BAIAP3: variants seen among roughly 807,000 people sequenced by gnomAD.
BAIAP3 encodes the protein BAI1 associated protein 3, also known as BAI1-associated protein 3.
A neutral mutation model predicts 149.7 loss-of-function variants in BAIAP3; 180 were observed. That is an observed-to-expected ratio of 1.20 (90% CI 1.07 to 1.36). The LOEUF (loss-of-function observed/expected upper bound fraction) is 1.36, where lower values mean the gene tolerates loss of function less well. Among genes scored for constraint, BAIAP3 ranks in the 40% most tolerant of loss-of-function variants. The pLI is 0.00. For missense variants in BAIAP3, 1,767 were observed against 1,563.4 expected, an observed-to-expected ratio of 1.13 and a Z score of -2.20; for synonymous variants, 845 against 670.7, an observed-to-expected ratio of 1.26 and a Z score of -4.02.
chr16:1,343,260 A>AGGGGCAGTGCTATGAGTAGGC (rs2034058078), intron 14 of BAIAP3, 133 bp from the exon 15 acceptor site: 2 of 1,355,836 alleles, frequency 1.5e-6, no homozygotes, highest in South Asian at 2.8e-5. Context: ...GGGCAGGGAA[A>AGGGGCAGTGCTATGAGTAGGC]GGGGCAGTGC....
intron 15 of BAIAP3, 95 bp from the exon 16 acceptor site, chr16:1,343,927 C>T: frequency 8.3e-6 from 13 of 1,558,116 alleles, no homozygotes; most frequent in Non-Finnish European, 1.1e-5. Flanking sequence ...CTGACCATGC[C>T]CGGGGAAGGG....
At chr16:1,335,701 CCA>C (rs144854793) in intron 1 of BAIAP3, among the ~76,000 whole-genome samples, 1,971 of 152,282 alleles carry the variant, frequency 0.013, 145 homozygotes, top group Admixed American at 0.11. Flanking sequence ...CCAGGATGAG[CCA>C]AGTCTTCTGT....
rs28406489 is a variant in BAIAP3 at position 1,336,441 on chromosome 16, A to C, written c.-10-2099A>C. On this transcript the variant is annotated intron_variant, in intron 1 of 33. Transcript: ENST00000426824. ...AGCATTGCCTCTCACAGGGTGGGAG[A>C]CGCAAACCCTCCTTCCTGTCCTCAG... 3,681 of 953,430 alleles carry C rather than the reference A, an allele frequency of 3.9e-3. 113 individuals carry two copies. In the African/African-American group the frequency reaches 0.06, roughly 16 times the overall value. 59.1% of individuals were successfully genotyped at this position (953,430 alleles called of 1,614,324 possible).
intron 1 of BAIAP3, among the ~76,000 whole-genome samples, chr16:1,338,335 G>T (rs566404284): frequency 2.0e-5 from 3 of 152,216 alleles, no homozygotes; most frequent in South Asian, 2.1e-4. Context: ...TGCAGGGGGC[G>T]CAGGGACTTA....
rs1008489443 is a variant in BAIAP3 at position 1,349,140 on chromosome 16, G to A, written c.*658G>A. The A allele has an allele frequency of 1.6e-5, 7 of 450,622 alleles. No individual in the cohort carries two copies. The highest frequency in any genetic ancestry group is 1.4e-4 in the East Asian group (3 of 21,918). 27.9% of individuals were successfully genotyped at this position (450,622 alleles called of 1,614,324 possible). A position where few individuals can be genotyped will look rare whatever the true frequency, so the allele number is the denominator to read the frequency against. On this transcript the variant is annotated 3_prime_UTR_variant, in exon 34 of 34. Transcript: ENST00000426824. ...TCAGCTGTCCTTCACGCACATATCC[G>A]TGGCCACCTGAGACCTGCTCCACGA... is the stretch of plus-strand genomic sequence containing the variant.
chr16:1,336,275 C>T (rs1186671630), intron 1 of BAIAP3: 3 of 985,382 alleles, frequency 3.0e-6, no homozygotes, highest in Non-Finnish European at 3.6e-6. Flanking sequence ...ACTCCCAGGC[C>T]CCTGAGGATT....
chr16:1,342,926 G>A lies in BAIAP3; in HGVS notation c.1175G>A (p.Ser392Asn). ...CTCCTCCCCCAGCCCAACTCCAGCA[G>A]CTGGCGAGGAGAGCTCAGCACACCA... ...EHSAEEPNSS[S>N]WRGELSTPAA... The change falls in exon 14 of 34, where the codon AGC becomes AAC. Residue 392 changes from serine (S) to asparagine (N), a missense_variant. Coordinates refer to ENST00000426824, the MANE Select transcript of BAIAP3 (RefSeq NM_001199097.2). 1 of 1,612,298 alleles carries A rather than the reference G, an allele frequency of 6.2e-7. No individual in the cohort carries two copies. The highest frequency in any genetic ancestry group is 1.7e-5 in the Admixed American group (1 of 60,032).
intron 15 of BAIAP3, 33 bp downstream of exon 15, chr16:1,343,546 G>C: frequency 6.2e-7 from 1 of 1,601,566 alleles, no homozygotes; most frequent in Non-Finnish European, 8.5e-7. Context: ...TGCCAGCCAT[G>C]GCGAAGGGAG....
At chr16:1,343,936 G>A (rs2034116528) in intron 15 of BAIAP3, 86 bp from the exon 16 acceptor site, 2 of 1,570,502 alleles carry the variant, frequency 1.3e-6, no homozygotes, top group Non-Finnish European at 1.7e-6. Flanking sequence ...CCCGGGGAAG[G>A]GTGTTGCGGG....
chr16:1,342,857 T>TGA, intron 13 of BAIAP3, 43 bp downstream of exon 13: 1 of 1,612,108 alleles, frequency 6.2e-7, no homozygotes, highest in Non-Finnish European at 8.5e-7. Flanking sequence ...GCAGGGGGCC[T>TGA]GAGGAGGGGA....
chr16:1,348,537 C>T lies in BAIAP3; in HGVS notation c.*55C>T. On this transcript the variant is annotated 3_prime_UTR_variant, in exon 34 of 34. Transcript: ENST00000426824. ...CCCCACCCCAAGTTCCCTGAAGCAT[C>T]CTCCAGCTCACTGTGGCCAGCTTTG... 6.6e-7 allele frequency: 1 copy of T among 1,514,680 alleles called. No individual in the cohort carries two copies. The highest frequency in any genetic ancestry group is 9.0e-7 in the Non-Finnish European group (1 of 1,114,028). The allele number at this position is 1,514,680 out of a possible 1,614,324, so 93.8% of individuals were successfully genotyped here. A position where few individuals can be genotyped will look rare whatever the true frequency, so the allele number is the denominator to read the frequency against.
At position 1,349,147 on chromosome 16, in the gene BAIAP3, C is replaced by T. The variant is rs2034584881; in HGVS notation, c.*665C>T. 2.1e-6 allele frequency: 1 copy of T among 471,640 alleles called. No individual in the cohort carries two copies. 29.2% of individuals were successfully genotyped at this position (471,640 alleles called of 1,614,324 possible). A position where few individuals can be genotyped will look rare whatever the true frequency, so the allele number is the denominator to read the frequency against. On this transcript the variant is annotated 3_prime_UTR_variant, in exon 34 of 34. Transcript: ENST00000426824. ...TCCTTCACGCACATATCCGTGGCCA[C>T]CTGAGACCTGCTCCACGACCCTTCC...
rs1482003920 is a variant in BAIAP3 at position 1,346,073 on chromosome 16, G to A, written c.2296G>A (p.Glu766Lys). ...QPGAAGEAVS[E>K]ALCVVLNNVE... The stretch of plus-strand genomic sequence containing the variant: ...AGGGGCGGCCGGTGAAGCAGTGAGC[G>A]AGGCGGTGAGTGACCAGCTGGGGAG... The change falls in exon 24 of 34, where the codon GAG becomes AAG. Residue 766 changes from glutamate (E) to lysine (K), a missense_variant. By Grantham distance (56) the Glu-to-Lys change is moderately conservative. Transcript: ENST00000426824. The A allele has an allele frequency of 1.1e-5, 17 of 1,610,444 alleles. No individual in the cohort carries two copies. The highest frequency in any genetic ancestry group is 1.3e-5 in the African/African-American group (1 of 75,066).
In BAIAP3 at chr16:1,345,018, C is replaced by T. The variant is rs768687366; in HGVS notation, c.1859C>T (p.Thr620Ile). 2 of 1,612,628 alleles carry T rather than the reference C, an allele frequency of 1.2e-6. No individual in the cohort carries two copies. Among genetic ancestry groups the T allele is most frequent in the South Asian group, 2.2e-5 (2 of 91,034 alleles). The change falls in exon 21 of 34, where the codon ACC (threonine) becomes ATC (isoleucine). Residue 620 changes from threonine (T) to isoleucine (I), a missense_variant. By Grantham distance (89) the Thr-to-Ile change is moderately conservative. Transcript: ENST00000426824. The stretch of plus-strand genomic sequence containing the variant: ...ACGGAGGAGCTGAGCCCCAAGATGA[C>T]CCTGGAGGTGGCCTCGGGGCTCTTT... ...VLTEELSPKM[T>I]LEVASGLFEL...
rs562462237 is a variant in BAIAP3, at chr16:1,334,836, G to C, written c.-11+1087G>C. ...TCGGGGGGCTGAGGGAGGAAGAGCA[G>C]GGAAGCTGGAGAGAAGACCAAGAGG... On this transcript the variant is annotated intron_variant, in intron 1 of 33. Transcript: ENST00000426824. 138 of 1,372,164 alleles carry C rather than the reference G, an allele frequency of 1.0e-4. 1 individual carries two copies. In the South Asian group the frequency reaches 1.7e-3, roughly 17 times the overall value. 85.0% of individuals were successfully genotyped at this position (1,372,164 alleles called of 1,614,324 possible). A position where few individuals can be genotyped will look rare whatever the true frequency, so the allele number is the denominator to read the frequency against.
chr16:1,339,390 G>A (rs1033255246), intron 4 of BAIAP3, 106 bp from the exon 5 acceptor site: 2 of 1,464,602 alleles, frequency 1.4e-6, no homozygotes, highest in Middle Eastern at 2.3e-4. Context: ...AGGGGCTCCT[G>A]GTGCAAAGAG....
At position 1,346,053 on chromosome 16, in the gene BAIAP3, C is replaced by T. The variant is rs182871068; in HGVS notation, c.2276C>T (p.Ala759Val). Reference protein sequence around the residue: ...LRKKVDTQPGAAGEAVSEALC... With the variant: ...LRKKVDTQPGVAGEAVSEALC... ...AAGAAGGTGGACACTCAGCCAGGGG[C>T]GGCCGGTGAAGCAGTGAGCGAGGCG... is the stretch of plus-strand genomic sequence containing the variant. Residue 759 changes from alanine to valine, a missense_variant, in exon 24 of 34, where the codon GCG becomes GTG. By Grantham distance (64) the Ala-to-Val change is moderately conservative (BLOSUM62 0). Transcript: ENST00000426824. The T allele has an allele frequency of 3.7e-5, 60 of 1,611,382 alleles. No homozygotes were observed. In the Middle Eastern group the frequency reaches 5.0e-4, roughly 13 times the overall value.
intron 28 of BAIAP3, 125 bp downstream of exon 28, chr16:1,347,080 A>G (rs1567172983): frequency 1.9e-5 from 18 of 972,912 alleles, no homozygotes; most frequent in Non-Finnish European, 2.6e-5. Flanking sequence ...AGGGCTGTCC[A>G]CAGCGCCTCC....
chr16:1,340,824 T>C, intron 5 of BAIAP3, 98 bp from the exon 6 acceptor site: 1 of 1,301,458 alleles, frequency 7.7e-7, no homozygotes, highest in South Asian at 1.3e-5. Flanking sequence ...AGGACTGAGG[T>C]TGGGTGTCTG....
Sources: gnomAD v4.1 joint callset for allele counts (sites outside exome capture counted in the v4.1 genomes callset) on GRCh38, gnomAD v4.1.1 for gene constraint, MANE v1.5 for transcripts, NCBI Gene and HGNC (gene_info 2026-07-23, HGNC 2026-07-21) for gene names.